Variants in SRGAP2 observed in about 807,000 individuals in gnomAD.
SRGAP2 encodes SLIT-ROBO Rho GTPase-activating protein 2.
In SRGAP2, 15 loss-of-function variants were observed where a neutral mutation model predicts 57.2. That is an observed-to-expected ratio of 0.26 (90% CI 0.18 to 0.40). The LOEUF (loss-of-function observed/expected upper bound fraction) is 0.40, where lower values mean the gene tolerates loss of function less well. Among genes scored for constraint, SRGAP2 ranks in the 10% least tolerant of loss-of-function variants. The pLI, the probability that SRGAP2 is intolerant of heterozygous loss-of-function variation, is 1.00. For missense variants in SRGAP2, 520 were observed against 669.6 expected (o/e 0.78, Z 2.47); for synonymous variants, 249 against 248.0 (o/e 1.00, Z -0.04).
Position 206,452,110 on chromosome 1 carries a change from C to T in SRGAP2, c.2180-1090C>T, listed in dbSNP as rs537943456. 7.2e-5 allele frequency among the ~76,000 whole-genome samples: 11 copies of T among 152,268 alleles called. No individual in the cohort carries two copies. The East Asian group carries it at 1.7e-3, about 24-fold the overall frequency. ...ATGCACACATACCACTTACTATGGG[C>T]GGGACACTGTTCTAAGCACTTTTAC... On this transcript the variant is annotated intron_variant, in intron 19 of 22. Coordinates refer to ENST00000573034, the MANE Select transcript of SRGAP2 (RefSeq NM_015326.5).
chr1:206,448,756 C>G (rs1397880589), intron 18 of SRGAP2, among the ~76,000 whole-genome samples: 1 of 152,180 alleles, frequency 6.6e-6, no homozygotes, highest in Non-Finnish European at 1.5e-5. Flanking sequence ...CCCCGCCACC[C>G]CCACCATCTC....
intron 19 of SRGAP2, among the ~76,000 whole-genome samples, chr1:206,450,912 G>A (rs1164635659): frequency 6.7e-6 from 1 of 150,348 alleles, no homozygotes; most frequent in Non-Finnish European, 1.5e-5. Context: ...AAGAATTCAA[G>A]ACCAGCCTAG....
chr1:206,275,710 G>A (rs1445970360), intron 2 of SRGAP2, among the ~76,000 whole-genome samples: 76 of 148,570 alleles, frequency 5.1e-4, no homozygotes, highest in African/African-American at 1.8e-3. Flanking sequence ...CGCCTCTCCC[G>A]GGTTCAAGTG....
intron 22 of SRGAP2, among the ~76,000 whole-genome samples, chr1:206,460,232 G>A (rs1355362852): frequency 6.6e-6 from 1 of 152,230 alleles, no homozygotes; most frequent in East Asian, 1.9e-4. Flanking sequence ...CAGGTTTATG[G>A]GGAGGGAGCG....
chr1:206,205,179 C>A (rs1665802152), intron 1 of SRGAP2: 2 of 152,194 alleles, frequency 1.3e-5, no homozygotes, highest in Admixed American at 1.3e-4. Context: ...CCTGGTGCCC[C>A]GCGTTCCTGC....
chr1:206,215,003 A>G (rs1279348131), intron 2 of SRGAP2, among the ~76,000 whole-genome samples: 1 of 148,212 alleles, frequency 6.7e-6, no homozygotes, highest in Non-Finnish European at 1.5e-5. Context: ...TTTTTCTTCT[A>G]CCAGACTTCT....
intron 16 of SRGAP2, among the ~76,000 whole-genome samples, chr1:206,439,549 G>T (rs1572158651): frequency 6.6e-6 from 1 of 151,898 alleles, no homozygotes; most frequent in East Asian, 1.9e-4. Context: ...GCAGCTCCCT[G>T]TCAGTGGTTG....
chr1:206,283,063 C>T (rs1670818788), intron 2 of SRGAP2, among the ~76,000 whole-genome samples: 1 of 150,364 alleles, frequency 6.7e-6, no homozygotes, highest in Admixed American at 6.7e-5. Flanking sequence ...AGCTTCTTTT[C>T]TGTTGCCTCT....
intron 3 of SRGAP2, among the ~76,000 whole-genome samples, chr1:206,306,537 G>A (rs1261742379): frequency 1.1e-4 from 16 of 152,240 alleles, no homozygotes; most frequent in Non-Finnish European, 1.5e-4. Context: ...ACCTTCCACC[G>A]TGTGGAAGGG....
intron 17 of SRGAP2, among the ~76,000 whole-genome samples, chr1:206,444,918 T>C (rs1662622769): frequency 6.6e-6 from 1 of 152,062 alleles, no homozygotes; most frequent in African/African-American, 2.4e-5. Flanking sequence ...AGTCCTGCAG[T>C]GATTCGCAAA....
rs1553381190 is a variant in SRGAP2 at position 206,462,306 on chromosome 1, C to G, written c.*886C>G. 2.0e-5 allele frequency: 3 copies of G among 152,566 alleles called. No homozygotes were observed. The allele number at this position is 152,566 out of a possible 1,614,324, so 9.5% of individuals were successfully genotyped here. On this transcript the variant is annotated 3_prime_UTR_variant, in exon 23 of 23. Transcript: ENST00000573034. ...GGTTCCTACCTTTGTCTCTGATGGA[C>G]CATTTTCCATTTAAGACATTTTCCT...
rs1483590379 is a variant in SRGAP2 at position 206,290,556 on chromosome 1, T to C, written c.68-12725T>C. Among the ~76,000 whole-genome samples, 9 of 147,090 alleles carry C rather than the reference T, an allele frequency of 6.1e-5. No homozygotes were observed. In the Admixed American group the frequency reaches 6.2e-4, roughly 10 times the overall value. On this transcript the variant is annotated intron_variant, in intron 2 of 22. Coordinates refer to ENST00000573034, the MANE Select transcript of SRGAP2 (RefSeq NM_015326.5). The stretch of plus-strand genomic sequence containing the variant: ...ACTTGGAAGGCTGAGGCAAGAGAAT[T>C]GCTTGAGGCTGGGAGGCAGAGGTTG...
intron 16 of SRGAP2, 72 bp downstream of exon 16, chr1:206,438,170 A>G: frequency 8.0e-6 from 6 of 745,430 alleles, no homozygotes; most frequent in South Asian, 1.4e-5. Flanking sequence ...AAGTTTCCAC[A>G]GGGTCTGTGT....
chr1:206,237,618 A>G (rs1667988445), intron 2 of SRGAP2, among the ~76,000 whole-genome samples: 1 of 152,144 alleles, frequency 6.6e-6, no homozygotes, highest in Non-Finnish European at 1.5e-5. Flanking sequence ...CCTCTTTTTC[A>G]TAGAAATAAC....
chr1:206,262,544 A>G (rs1450766624), intron 2 of SRGAP2, among the ~76,000 whole-genome samples: 9 of 151,654 alleles, frequency 5.9e-5, no homozygotes, highest in African/African-American at 2.2e-4. Flanking sequence ...ATTAGTTGCC[A>G]TGGCAACTTG....
In SRGAP2 at chr1:206,437,953, C is replaced by G; in HGVS notation, c.1634-11C>G. On this transcript the variant is annotated splice_polypyrimidine_tract_variant and intron_variant, in intron 15 of 22. Transcript: ENST00000573034. The stretch of plus-strand genomic sequence containing the variant: ...CTCTCTTTCCTTTTCGTGGGGGTTG[C>G]TTATCCTCAGGAGAGGACCCCCTGG... The G allele has an allele frequency of 1.3e-6, 1 of 780,556 alleles. No homozygotes were observed. The highest frequency in any genetic ancestry group is 2.4e-6 in the Non-Finnish European group (1 of 417,898). The allele number at this position is 780,556 out of a possible 1,614,324, so 48.4% of individuals were successfully genotyped here.
In SRGAP2 at chr1:206,338,831, T is replaced by C. The variant is rs880001005; in HGVS notation, c.261-4015T>C. 8.4e-3 allele frequency among the ~76,000 whole-genome samples: 1,126 copies of C among 133,304 alleles called. 15 individuals are homozygous for C. Among genetic ancestry groups the C allele is most frequent in the Non-Finnish European group, 9.4e-3 (600 of 63,680 alleles). The allele number at this position is 133,304 out of a possible 152,430, so 87.5% of individuals were successfully genotyped here. On this transcript the variant is annotated intron_variant, in intron 3 of 22. Coordinates refer to ENST00000573034, the MANE Select transcript of SRGAP2 (RefSeq NM_015326.5). ...CCTTTTTTAAAATAAAAATCTTGCA[T>C]AGAGCCTCAATATATGAAACAGATC...
intron 18 of SRGAP2, 117 bp from the exon 19 acceptor site, chr1:206,450,269 G>T: frequency 1.5e-6 from 1 of 664,092 alleles, no homozygotes; most frequent in Non-Finnish European, 2.8e-6. Context: ...GTGCAGTTAG[G>T]ATATAGAGAG....
Position 206,324,565 on chromosome 1 carries a change from T to TG in SRGAP2, c.261-18275dup, listed in dbSNP as rs536026929. 2.6e-4 allele frequency among the ~76,000 whole-genome samples: 39 copies of TG among 152,106 alleles called. No homozygotes were observed. The East Asian group carries it at 6.6e-3, about 26-fold the overall frequency. Reference sequence around the variant, plus strand: ...GATATTCTTCTATTGACTTTATCACTGGGGGGTGCACAATTGTGCCAGTGC... The same window carrying TG: ...GATATTCTTCTATTGACTTTATCACTGGGGGGGTGCACAATTGTGCCAGTGC... On this transcript the variant is annotated intron_variant, in intron 3 of 22. Transcript: ENST00000573034.
Sources: allele counts gnomAD v4.1 joint callset (sites outside exome capture counted in the v4.1 genomes callset), GRCh38; gene constraint gnomAD v4.1.1; transcripts MANE v1.5; gene names NCBI Gene and HGNC (gene_info 2026-07-23, HGNC 2026-07-21).